IFNAR1: variants seen among roughly 807,000 people sequenced by gnomAD.
IFNAR1 encodes the protein interferon alpha/beta receptor 1.
Under a neutral mutation model 62.1 loss-of-function variants are expected in IFNAR1, and 47 were observed. That is an observed-to-expected ratio of 0.76 (90% confidence interval 0.60 to 0.97). The LOEUF is 0.97. IFNAR1 is among the 50% of genes least tolerant of loss of function. IFNAR1 has a pLI of 0.00. For synonymous variants in IFNAR1, 219 were observed against 226.9 expected (o/e 0.97, Z 0.31); for missense variants, 638 against 654.5 (o/e 0.97, Z 0.27).
At chr21:33,325,666 GT>G (rs1280827708) in intron 1 of IFNAR1, among the ~76,000 whole-genome samples, 1 of 152,154 alleles carries the variant, frequency 6.6e-6, no homozygotes, top group Non-Finnish European at 1.5e-5. Context: ...CGGGAAAAAC[GT>G]GAGCCACAAA....
chr21:33,345,149 T>A, intron 5 of IFNAR1, 97 bp from the exon 6 acceptor site: 1 of 665,546 alleles, frequency 1.5e-6, no homozygotes. Flanking sequence ...ATTTAACTAT[T>A]ACCTTATAAT....
In IFNAR1 at chr21:33,324,996, G is replaced by A. The variant is rs1055770885; in HGVS notation, c.-60G>A. ...GTGTGACTTAGGACGGGGCGATGGC[G>A]GCTGAGAGGAGCTGCGCGTGCGCGA... On this transcript the variant is annotated 5_prime_UTR_variant, in exon 1 of 11. Coordinates refer to ENST00000270139, the MANE Select transcript of IFNAR1 (RefSeq NM_000629.3). The A allele has an allele frequency of 2.6e-5, 39 of 1,473,788 alleles. No homozygotes were observed. The African/African-American group carries it at 4.6e-4, about 17-fold the overall frequency. The allele number at this position is 1,473,788 out of a possible 1,614,324, so 91.3% of individuals were successfully genotyped here.
At chr21:33,339,146 GA>G (rs1228837181) in intron 2 of IFNAR1, among the ~76,000 whole-genome samples, 3 of 152,152 alleles carry the variant, frequency 2.0e-5, no homozygotes, top group African/African-American at 7.2e-5. Context: ...CCTGAAGTAG[GA>G]AAGACAGATG....
At chr21:33,335,482 A>T in intron 1 of IFNAR1, 42 bp from the exon 2 acceptor site, 1 of 1,188,878 alleles carries the variant, frequency 8.4e-7, no homozygotes, top group African/African-American at 1.5e-5. Context: ...GAATATCTGT[A>T]CAGTTTGTAT....
chr21:33,359,571 C>G lies in IFNAR1; in HGVS notation c.*4022C>G, dbSNP rs1272711090. Reference sequence around the variant, plus strand: ...TGAAGTTTGCTGTGGTATTGCATAGCCTTGCTTTCTTGAACTAAACTGTTT... The same window carrying G: ...TGAAGTTTGCTGTGGTATTGCATAGGCTTGCTTTCTTGAACTAAACTGTTT... On this transcript the variant is annotated 3_prime_UTR_variant, in exon 11 of 11. Coordinates refer to ENST00000270139, the MANE Select transcript of IFNAR1 (RefSeq NM_000629.3). 6.6e-6 allele frequency: 1 copy of G among 152,148 alleles called. No homozygotes were observed. Among genetic ancestry groups the G allele is most frequent in the African/African-American group, 2.4e-5 (1 of 41,430 alleles). 9.4% of individuals were successfully genotyped at this position (152,148 alleles called of 1,614,324 possible).
chr21:33,344,395 G>C (rs1396558148), intron 5 of IFNAR1, among the ~76,000 whole-genome samples: 1 of 152,026 alleles, frequency 6.6e-6, no homozygotes, highest in Non-Finnish European at 1.5e-5. Context: ...AAGGTCAAGG[G>C]CAGGAGCTGG....
chr21:33,335,963 T>C (rs1328705807), intron 2 of IFNAR1, among the ~76,000 whole-genome samples: 6 of 149,798 alleles, frequency 4.0e-5, no homozygotes, highest in Non-Finnish European at 5.9e-5. Context: ...AGGGTACATG[T>C]GCACAATGTG....
Position 33,345,347 on chromosome 21 carries a change from G to A in IFNAR1, c.775G>A (p.Val259Ile). ...DYTYANMTFQ[V>I]QWLHAFLKRN... is the part of the protein sequence containing the mutation. ...TACATATGCAAACATGACCTTTCAA[G>A]TTCAGTGGCTCCAGTAAGTTCCATT... is the stretch of plus-strand genomic sequence containing the variant. The change falls in exon 6 of 11, where the codon GTT becomes ATT. Residue 259 changes from valine to isoleucine, a missense_variant. Val to Ile is a conservative substitution (Grantham distance 29, BLOSUM62 3). Transcript: ENST00000270139. 1 of 1,567,996 alleles carries A rather than the reference G, an allele frequency of 6.4e-7. No individual in the cohort carries two copies. The highest frequency in any genetic ancestry group is 8.8e-7 in the Non-Finnish European group (1 of 1,139,060).
At chr21:33,345,596 T>C (rs1188123492) in intron 6 of IFNAR1, among the ~76,000 whole-genome samples, 1 of 152,180 alleles carries the variant, frequency 6.6e-6, no homozygotes, top group Non-Finnish European at 1.5e-5. Context: ...GTAAAATAGA[T>C]GGATTCTAAT....
chr21:33,335,397 T>C (rs2083223755), intron 1 of IFNAR1, 127 bp from the exon 2 acceptor site: 2 of 523,070 alleles, frequency 3.8e-6, no homozygotes, highest in Non-Finnish European at 6.4e-6. Flanking sequence ...TTTTTTTAGA[T>C]TTTTAAAATA....
chr21:33,327,470 A>G (rs899970803), intron 1 of IFNAR1, among the ~76,000 whole-genome samples: 33 of 152,352 alleles, frequency 2.2e-4, no homozygotes, highest in Non-Finnish European at 4.3e-4. Context: ...GGAGAGATCA[A>G]GTAACTTGCC....
intron 6 of IFNAR1, among the ~76,000 whole-genome samples, chr21:33,345,775 A>G (rs1443484427): frequency 1.3e-5 from 2 of 152,266 alleles, no homozygotes; most frequent in Middle Eastern, 6.3e-3. Context: ...AATTCAAAAA[A>G]TTAGCCTTCC....
intron 1 of IFNAR1, chr21:33,334,840 T>A: frequency 2.0e-6 from 2 of 1,005,784 alleles, no homozygotes; most frequent in Non-Finnish European, 3.2e-6. Flanking sequence ...TGATCCAGGG[T>A]GATATCACCA....
chr21:33,326,098 G>A (rs1380178186), intron 1 of IFNAR1, among the ~76,000 whole-genome samples: 1 of 152,024 alleles, frequency 6.6e-6, no homozygotes, highest in Non-Finnish European at 1.5e-5. Flanking sequence ...TTGTAATGTT[G>A]CTCAGTCTTT....
intron 1 of IFNAR1, among the ~76,000 whole-genome samples, chr21:33,329,308 T>C (rs1169657211): frequency 6.6e-6 from 1 of 152,166 alleles, no homozygotes; most frequent in Non-Finnish European, 1.5e-5. Context: ...TTTGGCTGCA[T>C]AGAATCTATA....
intron 1 of IFNAR1, chr21:33,334,896 A>G (rs930368492): frequency 1.4e-6 from 2 of 1,442,776 alleles, no homozygotes; most frequent in Non-Finnish European, 1.9e-6. Context: ...GAGATACACT[A>G]TACTTTCCCA....
rs2083455680 is a variant in IFNAR1 at position 33,357,127 on chromosome 21, T to C, written c.*1578T>C. 1.3e-5 allele frequency: 2 copies of C among 152,200 alleles called. No homozygotes were observed. Among genetic ancestry groups the C allele is most frequent in the African/African-American group, 4.8e-5 (2 of 41,440 alleles). 9.4% of individuals were successfully genotyped at this position (152,200 alleles called of 1,614,324 possible). On this transcript the variant is annotated 3_prime_UTR_variant, in exon 11 of 11. Coordinates refer to ENST00000270139, the MANE Select transcript of IFNAR1 (RefSeq NM_000629.3). The stretch of plus-strand genomic sequence containing the variant: ...ATGGATATCCTTAATAGGCAGGAAG[T>C]CTGGGAATTCTGGTGGCCTCTAGGG...
chr21:33,346,916 C>G (rs2083353952), intron 6 of IFNAR1, among the ~76,000 whole-genome samples: 1 of 152,162 alleles, frequency 6.6e-6, no homozygotes, highest in African/African-American at 2.4e-5. Flanking sequence ...GACTTAGCAA[C>G]TTAAACAGCT....
chr21:33,324,864 T>C (rs538158470), upstream of IFNAR1: 85 of 535,622 alleles, frequency 1.6e-4, no homozygotes, highest in Non-Finnish European at 2.3e-4. Context: ...GGCGCGTGCG[T>C]GGAGGAACGG....
Sources: allele counts gnomAD v4.1 joint callset (sites outside exome capture counted in the v4.1 genomes callset), GRCh38; gene constraint gnomAD v4.1.1; transcripts MANE v1.5; gene names NCBI Gene and HGNC (gene_info 2026-07-23, HGNC 2026-07-21).